The following PRKG1 variants were observed in gnomAD, a reference collection of about 807,000 sequenced individuals.
PRKG1 encodes the protein cGMP-dependent protein kinase 1.
Under a neutral mutation model 88.1 loss-of-function variants are expected in PRKG1, and 35 were observed. The ratio of observed to expected loss-of-function variants is 0.40; its 90% CI spans 0.30 to 0.53. PRKG1 has a LOEUF of 0.53. Among genes scored for constraint, PRKG1 ranks in the 20% least tolerant of loss-of-function variants. PRKG1 has a pLI of 0.59. For missense variants in PRKG1, 540 were observed against 839.8 expected, an observed-to-expected ratio of 0.64 and a Z score of 4.41; for synonymous variants, 303 against 292.5, an observed-to-expected ratio of 1.04 and a Z score of -0.37.
intron 2 of PRKG1, among the ~76,000 whole-genome samples, chr10:51,286,954 G>A (rs1840456592): frequency 6.6e-6 from 1 of 152,102 alleles, no homozygotes; most frequent in Admixed American, 6.6e-5. Context: ...ATGACTCACT[G>A]GAGCCTTGAC....
chr10:51,441,988 T>C (rs1306439056), intron 2 of PRKG1, among the ~76,000 whole-genome samples: 4 of 151,998 alleles, frequency 2.6e-5, no homozygotes, highest in Admixed American at 2.6e-4. Context: ...GTTTTCTAAC[T>C]TTAATATTCT....
chr10:51,793,265 A>G (rs1313253512), intron 3 of PRKG1, among the ~76,000 whole-genome samples: 3 of 151,986 alleles, frequency 2.0e-5, no homozygotes, highest in African/African-American at 7.2e-5. Context: ...GAAAAATACA[A>G]TGAGTGAAAT....
chr10:51,987,451 C>T (rs1052356499), intron 5 of PRKG1, among the ~76,000 whole-genome samples: 1 of 144,534 alleles, frequency 6.9e-6, no homozygotes, highest in Admixed American at 7.2e-5. Flanking sequence ...AAATCTTCTA[C>T]TCATTACTTT....
intron 2 of PRKG1, among the ~76,000 whole-genome samples, chr10:51,449,108 A>G (rs113872860): frequency 0.033 from 5,061 of 152,044 alleles, 115 homozygotes; most frequent in Admixed American, 0.059. Flanking sequence ...ATTTGGTGTA[A>G]TATTTCCCAG....
intron 5 of PRKG1, among the ~76,000 whole-genome samples, chr10:51,975,945 CA>C (rs1338991531): frequency 1.3e-5 from 2 of 151,832 alleles, no homozygotes; most frequent in East Asian, 3.9e-4. Context: ...CAATTAGAAA[CA>C]GGGGAAAGAA....
intron 7 of PRKG1, among the ~76,000 whole-genome samples, chr10:52,079,313 AT>A (rs1228682455): frequency 1.3e-5 from 2 of 152,056 alleles, no homozygotes; most frequent in Non-Finnish European, 2.9e-5. Flanking sequence ...ATATCCCAGT[AT>A]ATCAAAGCAC....
chr10:51,139,892 C>T (rs1290831419), intron 1 of PRKG1, among the ~76,000 whole-genome samples: 3 of 152,146 alleles, frequency 2.0e-5, no homozygotes, highest in African/African-American at 4.8e-5. Context: ...CTTTGCTTTA[C>T]CCCTTTAACA....
rs181059242 is a variant in PRKG1 at position 51,709,911 on chromosome 10, C to T, written c.593-94674C>T. On this transcript the variant is annotated intron_variant, in intron 3 of 17. Transcript: ENST00000373980. ...GGAAGGAAACTTACCTGACACATTTCGTAGCAGCAAGGGTTTGACAATGCT... is the reference window on the plus strand; with the variant it reads ...GGAAGGAAACTTACCTGACACATTTTGTAGCAGCAAGGGTTTGACAATGCT... Among the ~76,000 whole-genome samples, 18 of 150,396 alleles carry T rather than the reference C, an allele frequency of 1.2e-4. No individual in the cohort carries two copies. The East Asian group carries it at 3.4e-3, about 28-fold the overall frequency.
At chr10:51,663,771 T>G (rs550352731) in intron 3 of PRKG1, among the ~76,000 whole-genome samples, 5 of 150,304 alleles carry the variant, frequency 3.3e-5, no homozygotes, top group Non-Finnish European at 7.4e-5. Context: ...GATATAGCAA[T>G]GGAATAAACT....
chr10:52,010,769 T>A (rs1246477740), intron 5 of PRKG1, among the ~76,000 whole-genome samples: 1 of 152,194 alleles, frequency 6.6e-6, no homozygotes, highest in East Asian at 1.9e-4. Flanking sequence ...TGGCCTCCCA[T>A]TATCTGTTAA....
chr10:51,650,282 G>C (rs886880940), intron 3 of PRKG1, among the ~76,000 whole-genome samples: 2 of 152,268 alleles, frequency 1.3e-5, no homozygotes, highest in South Asian at 2.1e-4. Flanking sequence ...AAACCTCATG[G>C]TTTTTGTTGA....
chr10:51,922,727 CTAATT>C (rs1281421150), intron 5 of PRKG1, among the ~76,000 whole-genome samples: 2 of 151,782 alleles, frequency 1.3e-5, no homozygotes, highest in African/African-American at 2.4e-5. Context: ...TTATTGATTT[CTAATT>C]TAATTTAATT....
chr10:52,226,874 T>C (rs1329766715), intron 9 of PRKG1, among the ~76,000 whole-genome samples: 1 of 152,198 alleles, frequency 6.6e-6, no homozygotes, highest in African/African-American at 2.4e-5. Flanking sequence ...GATTTATTCC[T>C]GAATTCCTTT....
intron 4 of PRKG1, among the ~76,000 whole-genome samples, chr10:51,886,750 T>C (rs1043722080): frequency 3.9e-5 from 6 of 152,176 alleles, no homozygotes; most frequent in Non-Finnish European, 7.4e-5. Context: ...AATGTTCTAT[T>C]GTATGAAGAC....
chr10:51,799,149 C>T (rs766377012), intron 3 of PRKG1, among the ~76,000 whole-genome samples: 14 of 152,026 alleles, frequency 9.2e-5, no homozygotes, highest in East Asian at 1.9e-4. Context: ...ATTTCTACAT[C>T]GGTCTTTCTT....
chr10:51,752,242 T>C (rs561361215), intron 3 of PRKG1, among the ~76,000 whole-genome samples: 2 of 152,206 alleles, frequency 1.3e-5, no homozygotes, highest in Non-Finnish European at 2.9e-5. Flanking sequence ...CTCTTCTATG[T>C]TGGATCATTA....
intron 5 of PRKG1, among the ~76,000 whole-genome samples, chr10:52,032,487 T>C (rs2133211893): frequency 6.6e-6 from 1 of 152,318 alleles, no homozygotes; most frequent in Admixed American, 6.5e-5. Context: ...GTGATAAATG[T>C]TAAATTGTCT....
chr10:51,575,062 G>T (rs923507121), intron 3 of PRKG1, among the ~76,000 whole-genome samples: 1 of 151,970 alleles, frequency 6.6e-6, no homozygotes, highest in Non-Finnish European at 1.5e-5. Context: ...CTGGTAGCTT[G>T]TTAAATGTTC....
chr10:51,571,302 A>C lies in PRKG1; in HGVS notation c.592+103466A>C, dbSNP rs573282200. 3.0e-4 allele frequency among the ~76,000 whole-genome samples: 46 copies of C among 152,022 alleles called. No homozygotes were observed. The Middle Eastern group carries it at 0.014, about 45-fold the overall frequency. ...ATTGAAAACAACACTGAATTAGTAG[A>C]CAAATCCTATGTTTAACCTGAAAGG... On this transcript the variant is annotated intron_variant, in intron 3 of 17. Coordinates refer to ENST00000373980, the MANE Select transcript of PRKG1 (RefSeq NM_006258.4).
Sources: allele counts gnomAD v4.1 joint callset (sites outside exome capture counted in the v4.1 genomes callset), GRCh38; gene constraint gnomAD v4.1.1; transcripts MANE v1.5; gene names NCBI Gene and HGNC (gene_info 2026-07-23, HGNC 2026-07-21).